SUDS3: variants seen among roughly 807,000 people sequenced by gnomAD.
The protein encoded by SUDS3 is sin3 histone deacetylase corepressor complex component SDS3.
A neutral mutation model predicts 53.5 loss-of-function variants in SUDS3; 23 were observed. The ratio of observed to expected loss-of-function variants is 0.43; its 90% CI spans 0.31 to 0.61. The LOEUF is 0.61. Among genes scored for constraint, SUDS3 ranks in the 20% least tolerant of loss-of-function variants. The probability of loss-of-function intolerance (pLI) is 0.10; values close to 1 mark genes in which losing one functional copy is unlikely to be tolerated. For synonymous variants in SUDS3, 150 were observed against 148.5 expected (o/e 1.01, Z -0.08); for missense variants, 291 against 405.9 (o/e 0.72, Z 2.43).
chr12:118,394,183 G>A (rs1227498468), intron 6 of SUDS3, among the ~76,000 whole-genome samples: 1 of 152,130 alleles, frequency 6.6e-6, no homozygotes, highest in Non-Finnish European at 1.5e-5. Context: ...TCTGAGGTAG[G>A]GTTTTCTCAT....
At chr12:118,412,585 T>A (rs1197238811) in intron 11 of SUDS3, among the ~76,000 whole-genome samples, 1 of 152,210 alleles carries the variant, frequency 6.6e-6, no homozygotes, top group African/African-American at 2.4e-5. Flanking sequence ...AGAGACCTGG[T>A]CCTCAGCCAA....
At chr12:118,414,275 T>C (rs2046382071) in intron 11 of SUDS3, 60 bp from the exon 12 acceptor site, 18 of 1,235,298 alleles carry the variant, frequency 1.5e-5, no homozygotes, top group Non-Finnish European at 1.8e-5. Context: ...TTTGATGGTG[T>C]AGGAGATTTG....
intron 2 of SUDS3, among the ~76,000 whole-genome samples, chr12:118,382,666 C>CTTT (rs573617276): frequency 1.5e-5 from 2 of 135,758 alleles, no homozygotes; most frequent in African/African-American, 2.7e-5. Context: ...TGTGCCCAGC[C>CTTT]TTTTTTTTTT....
Position 118,384,055 on chromosome 12 carries a change from C to G in SUDS3, c.256C>G (p.Gln86Glu). 1 of 1,613,480 alleles carries G rather than the reference C, an allele frequency of 6.2e-7. No individual in the cohort carries two copies. Among genetic ancestry groups the G allele is most frequent in the South Asian group, 1.1e-5 (1 of 91,044 alleles). ...KLASLKRQLQ[Q>E]LQEGTLQEYQ... is the part of the protein sequence containing the mutation. ...GGCTTCTCTCAAGAGGCAGTTGCAA[C>G]AACTGCAAGAAGGTTGGTGTGTGAT... Residue 86 changes from glutamine (Q) to glutamate (E), a missense_variant, in exon 3 of 12, where the codon CAA becomes GAA. Around this residue, in one of 4 missense-constraint regions of SUDS3, gnomAD observed 149 missense variants for 146.5 expected, o/e 1.02. Transcript: ENST00000543473.
intron 1 of SUDS3, among the ~76,000 whole-genome samples, chr12:118,377,348 G>A (rs2046008740): frequency 6.6e-6 from 1 of 152,098 alleles, no homozygotes; most frequent in Non-Finnish European, 1.5e-5. Flanking sequence ...ACTTAACTCA[G>A]CTTTGTAAAC....
intron 1 of SUDS3, among the ~76,000 whole-genome samples, chr12:118,379,570 G>A (rs539195771): frequency 6.6e-6 from 1 of 152,342 alleles, no homozygotes; most frequent in East Asian, 1.9e-4. Flanking sequence ...CGGATACTGA[G>A]GGACAACCGT....
At chr12:118,385,007 C>T (rs1472233047) in intron 3 of SUDS3, among the ~76,000 whole-genome samples, 1 of 152,144 alleles carries the variant, frequency 6.6e-6, no homozygotes, top group African/African-American at 2.4e-5. Context: ...GCGTCTAGCA[C>T]AGCAGTGTGC....
chr12:118,403,679 A>G (rs907331782), intron 10 of SUDS3, among the ~76,000 whole-genome samples, 162 bp downstream of exon 10: 1 of 152,182 alleles, frequency 6.6e-6, no homozygotes, highest in African/African-American at 2.4e-5. Context: ...TTTAATCAAT[A>G]CTTCCGGTGG....
At chr12:118,409,292 G>A (rs1202413335) in intron 10 of SUDS3, among the ~76,000 whole-genome samples, 1 of 151,976 alleles carries the variant, frequency 6.6e-6, no homozygotes, top group Non-Finnish European at 1.5e-5. Context: ...GATTACAGGA[G>A]CCTGCCACCA....
intron 6 of SUDS3, among the ~76,000 whole-genome samples, chr12:118,396,036 C>T (rs1420506315): frequency 1.3e-5 from 2 of 152,078 alleles, no homozygotes; most frequent in African/African-American, 2.4e-5. Flanking sequence ...TCTGTTACCA[C>T]CGCAGCATTA....
intron 11 of SUDS3, among the ~76,000 whole-genome samples, chr12:118,413,693 A>G (rs2046377282): frequency 1.3e-5 from 2 of 152,194 alleles, no homozygotes; most frequent in Non-Finnish European, 2.9e-5. Context: ...TCTCAATTCA[A>G]TGGAAGAATG....
chr12:118,393,785 C>T (rs895395068), intron 6 of SUDS3, among the ~76,000 whole-genome samples: 46 of 152,056 alleles, frequency 3.0e-4, no homozygotes, highest in Admixed American at 2.3e-3. Context: ...ATTCTCCTGC[C>T]TCAGCCTCCC....
At chr12:118,385,112 CT>C (rs760926676) in intron 3 of SUDS3, among the ~76,000 whole-genome samples, 107 of 143,656 alleles carry the variant, frequency 7.4e-4, no homozygotes, top group Middle Eastern at 3.6e-3. Flanking sequence ...TTTTGCTTTT[CT>C]TTTTTTTTTT....
chr12:118,387,354 A>C (rs1481493306), intron 4 of SUDS3, among the ~76,000 whole-genome samples: 1 of 152,100 alleles, frequency 6.6e-6, no homozygotes, highest in Non-Finnish European at 1.5e-5. Flanking sequence ...TTTAGATCTG[A>C]TCCTTTAAGC....
intron 10 of SUDS3, among the ~76,000 whole-genome samples, chr12:118,404,875 C>T (rs1009290019): frequency 1.1e-4 from 17 of 152,048 alleles, no homozygotes; most frequent in African/African-American, 4.1e-4. Flanking sequence ...GTTGGTTACC[C>T]GATAACATTG....
Position 118,417,334 on chromosome 12 carries a change from A to G in SUDS3, c.*2901A>G, listed in dbSNP as rs2046410050. The G allele has an allele frequency of 6.6e-6, 1 of 152,198 alleles. No homozygotes were observed. Among genetic ancestry groups the G allele is most frequent in the African/African-American group, 2.4e-5 (1 of 41,450 alleles). The allele number at this position is 152,198 out of a possible 1,614,324, so 9.4% of individuals were successfully genotyped here. A position where few individuals can be genotyped will look rare whatever the true frequency, so the allele number is the denominator to read the frequency against. ...TCAGGACTGGGTGACTTTTCTAAGA[A>G]ATATGGGGTTTAGAATGGGGTTGAC... On this transcript the variant is annotated 3_prime_UTR_variant, in exon 12 of 12. Coordinates refer to ENST00000543473, the MANE Select transcript of SUDS3 (RefSeq NM_022491.3).
intron 2 of SUDS3, among the ~76,000 whole-genome samples, chr12:118,383,041 A>C (rs1451005991): frequency 6.6e-6 from 1 of 152,196 alleles, no homozygotes; most frequent in African/African-American, 2.4e-5. Flanking sequence ...GGGGAAATCT[A>C]AAGTGCATCA....
In SUDS3 at chr12:118,415,162, T is replaced by C. The variant is rs935800171; in HGVS notation, c.*729T>C. The C allele has an allele frequency of 5.1e-4, 77 of 152,376 alleles. No individual in the cohort carries two copies. Among genetic ancestry groups the C allele is most frequent in the African/African-American group, 1.8e-3 (76 of 41,584 alleles). The allele number at this position is 152,376 out of a possible 1,614,324, so 9.4% of individuals were successfully genotyped here. ...AATGCAGGTGATTTATTCAAACATT[T>C]GTTCTAGCTTAAGCTGGAATAAGCA... On this transcript the variant is annotated 3_prime_UTR_variant, in exon 12 of 12. Coordinates refer to ENST00000543473, the MANE Select transcript of SUDS3 (RefSeq NM_022491.3).
In SUDS3 at chr12:118,413,410, C is replaced by T. The variant is rs17587081; in HGVS notation, c.889-925C>T. Among the ~76,000 whole-genome samples the T allele has an allele frequency of 3.3e-4, 51 of 152,318 alleles. No individual in the cohort carries two copies. The East Asian group carries it at 8.9e-3, about 27-fold the overall frequency. ...AGCCAGGGGCTTTGATGTCAGACAC[C>T]AGAATTCACGTCGTGATAAGTGACT... is the stretch of plus-strand genomic sequence containing the variant. On this transcript the variant is annotated intron_variant, in intron 11 of 11. Transcript: ENST00000543473.
Sources: gnomAD v4.1 joint callset for allele counts (sites outside exome capture counted in the v4.1 genomes callset) on GRCh38, gnomAD v4.1.1 for gene constraint, gnomAD v4.1.1 regional missense constraint, MANE v1.5 for transcripts, NCBI Gene and HGNC (gene_info 2026-07-23, HGNC 2026-07-21) for gene names.